ME1: variants seen among roughly 807,000 people sequenced by gnomAD.
The protein encoded by ME1 is malic enzyme 1.
ME1 carries 74 observed loss-of-function variants against 66.4 expected under a neutral mutation model. The ratio of observed to expected loss-of-function variants is 1.11; its 90% CI spans 0.92 to 1.35. ME1 has a LOEUF of 1.35. Among genes scored for constraint, ME1 ranks in the 40% most tolerant of loss-of-function variants. The pLI is 0.00. For missense variants in ME1, 750 were observed against 694.1 expected, an observed-to-expected ratio of 1.08 and a Z score of -0.90; for synonymous variants, 251 against 235.6, an observed-to-expected ratio of 1.07 and a Z score of -0.60.
At chr6:83,392,825 A>G (rs1398073904) in intron 3 of ME1, 13 of 741,712 alleles carry the variant, frequency 1.8e-5, no homozygotes, top group Non-Finnish European at 3.1e-5. Context: ...GGTGTGAACC[A>G]TGAGAAATAT....
intron 3 of ME1, among the ~76,000 whole-genome samples, chr6:83,378,252 G>T (rs16884490): frequency 6.6e-6 from 1 of 151,960 alleles, no homozygotes; most frequent in Non-Finnish European, 1.5e-5. Flanking sequence ...CTATAATTGA[G>T]CATAAAATAG....
intron 3 of ME1, among the ~76,000 whole-genome samples, chr6:83,366,721 CAGATCTAA>C (rs1238403082): frequency 2.0e-5 from 3 of 152,156 alleles, no homozygotes; most frequent in African/African-American, 7.2e-5. Context: ...ATTGATAGTT[CAGATCTAA>C]ATAGCACACA....
intron 6 of ME1, among the ~76,000 whole-genome samples, chr6:83,306,913 T>A (rs1767834438): frequency 6.6e-6 from 1 of 152,066 alleles, no homozygotes; most frequent in African/African-American, 2.4e-5. Context: ...AACATTTATA[T>A]CCATATTAAA....
At position 83,227,396 on chromosome 6, in the gene ME1, G is replaced by A. The variant is rs1562452271; in HGVS notation, c.1214C>T (p.Ala405Val). ...AAFNERPIIF[A>V]LSNPTSKAEC... ...TGCTTTGCTAGTTGGATTACTCAAA[G>A]CAAAAATAATAGGCCGTTCATTGAA... The change falls in exon 11 of 14, where the codon GCT becomes GTT. Residue 405 changes from alanine (A) to valine (V), a missense_variant. Coordinates refer to ENST00000369705, the MANE Select transcript of ME1 (RefSeq NM_002395.6). 1 of 1,606,978 alleles carries A rather than the reference G, an allele frequency of 6.2e-7. No individual in the cohort carries two copies. Among genetic ancestry groups the A allele is most frequent in the East Asian group, 2.2e-5 (1 of 44,692 alleles).
intron 1 of ME1, among the ~76,000 whole-genome samples, chr6:83,425,558 A>G (rs1160220102): frequency 6.6e-6 from 1 of 152,146 alleles, no homozygotes; most frequent in East Asian, 1.9e-4. Flanking sequence ...AGATCTCGTG[A>G]GAACTCACTC....
chr6:83,420,916 GTT>G (rs899211049), intron 1 of ME1, among the ~76,000 whole-genome samples: 2 of 151,394 alleles, frequency 1.3e-5, no homozygotes, highest in Non-Finnish European at 2.9e-5. Context: ...TTTGTTTTTT[GTT>G]TTTTTGTTTT....
intron 6 of ME1, among the ~76,000 whole-genome samples, chr6:83,283,797 A>G (rs1476933004): frequency 6.6e-6 from 1 of 152,200 alleles, no homozygotes; most frequent in African/African-American, 2.4e-5. Context: ...AAGATCTCAA[A>G]TTAACAATCT....
intron 12 of ME1, among the ~76,000 whole-genome samples, chr6:83,222,913 C>T (rs1317664493): frequency 6.6e-6 from 1 of 152,126 alleles, no homozygotes; most frequent in African/African-American, 2.4e-5. Context: ...TCCTCAAGGC[C>T]CAGACAGAGC....
intron 7 of ME1, among the ~76,000 whole-genome samples, chr6:83,250,144 CTCTCTAGT>C (rs1422490286): frequency 6.6e-6 from 1 of 151,660 alleles, no homozygotes; most frequent in Non-Finnish European, 1.5e-5. Context: ...AGTCCGTTGG[CTCTCTAGT>C]TCTCTACAAT....
At position 83,371,813 on chromosome 6, in the gene ME1, C is replaced by T. The variant is rs551477868; in HGVS notation, c.363-19674G>A. 5.8e-4 allele frequency among the ~76,000 whole-genome samples: 89 copies of T among 152,188 alleles called. 4 individuals carry two copies. In the South Asian group the frequency reaches 0.013, roughly 22 times the overall value. On this transcript the variant is annotated intron_variant, in intron 3 of 13. Coordinates refer to ENST00000369705, the MANE Select transcript of ME1 (RefSeq NM_002395.6). Reference sequence around the variant, plus strand: ...TCACTAGTTTCCTTCAAGTCTAGCACGAGTGAGAAATATGTTTTCAAAAAT... The same window carrying T: ...TCACTAGTTTCCTTCAAGTCTAGCATGAGTGAGAAATATGTTTTCAAAAAT...
At chr6:83,295,103 A>G (rs1054355991) in intron 6 of ME1, among the ~76,000 whole-genome samples, 10 of 152,230 alleles carry the variant, frequency 6.6e-5, no homozygotes, top group Non-Finnish European at 1.2e-4. Flanking sequence ...ACTGACCATT[A>G]TGCTTAAGTG....
At chr6:83,425,270 T>A (rs1042729270) in intron 1 of ME1, among the ~76,000 whole-genome samples, 1 of 152,118 alleles carries the variant, frequency 6.6e-6, no homozygotes, top group Non-Finnish European at 1.5e-5. Flanking sequence ...GGCTCACATC[T>A]GGCATTACAG....
chr6:83,292,699 G>A (rs1217751804), intron 6 of ME1, among the ~76,000 whole-genome samples: 1 of 152,156 alleles, frequency 6.6e-6, no homozygotes, highest in Non-Finnish European at 1.5e-5. Flanking sequence ...GCTGTCTGCT[G>A]CCTTTTGTTC....
intron 3 of ME1, among the ~76,000 whole-genome samples, chr6:83,381,041 G>A (rs1413828110): frequency 6.6e-6 from 1 of 152,044 alleles, no homozygotes; most frequent in African/African-American, 2.4e-5. Context: ...CTGAGATAAG[G>A]AGGATAAGGC....
chr6:83,334,209 G>C (rs550144589), intron 5 of ME1, among the ~76,000 whole-genome samples: 1 of 149,804 alleles, frequency 6.7e-6, no homozygotes, highest in Non-Finnish European at 1.5e-5. Flanking sequence ...GGTGACGGAC[G>C]CACCTGGAAA....
At chr6:83,398,787 T>A (rs1398822104) in intron 2 of ME1, among the ~76,000 whole-genome samples, 2 of 151,798 alleles carry the variant, frequency 1.3e-5, no homozygotes, top group Non-Finnish European at 2.9e-5. Context: ...CTGGCCAACA[T>A]GGTGAAACTC....
At chr6:83,359,643 G>C (rs1441320606) in intron 3 of ME1, among the ~76,000 whole-genome samples, 1 of 151,904 alleles carries the variant, frequency 6.6e-6, no homozygotes, top group Non-Finnish European at 1.5e-5. Context: ...TTAATGTAGA[G>C]GAAGGGATCC....
intron 3 of ME1, among the ~76,000 whole-genome samples, chr6:83,378,928 T>G (rs182031732): frequency 8.7e-4 from 132 of 152,212 alleles, no homozygotes; most frequent in African/African-American, 3.1e-3. Flanking sequence ...TTTTCTAGCA[T>G]GTACCTCATT....
chr6:83,427,438 T>C (rs1366512875), intron 1 of ME1, among the ~76,000 whole-genome samples: 1 of 152,192 alleles, frequency 6.6e-6, no homozygotes, highest in Non-Finnish European at 1.5e-5. Flanking sequence ...ATTATCAAGC[T>C]TAAACCACAT....
Sources: gnomAD v4.1 joint callset for allele counts (sites outside exome capture counted in the v4.1 genomes callset) on GRCh38, gnomAD v4.1.1 for gene constraint, MANE v1.5 for transcripts, NCBI Gene and HGNC (gene_info 2026-07-23, HGNC 2026-07-21) for gene names.